Variants in SLC35F1 observed in about 807,000 individuals in gnomAD.
SLC35F1 encodes the protein solute carrier family 35 member F1.
SLC35F1 carries 14 observed loss-of-function variants against 48.7 expected under a neutral mutation model. The observed-to-expected ratio is 0.29, with a 90% CI of 0.19 to 0.45. The LOEUF (loss-of-function observed/expected upper bound fraction) is 0.45, where lower values mean the gene tolerates loss of function less well. Among genes scored for constraint, SLC35F1 ranks in the 20% least tolerant of loss-of-function variants. The pLI is 1.00. For synonymous variants in SLC35F1, 190 were observed against 202.2 expected (o/e 0.94, Z 0.51); for missense variants, 404 against 500.0 (o/e 0.81, Z 1.83).
chr6:118,088,528 A>G (rs1326661211), intron 1 of SLC35F1, among the ~76,000 whole-genome samples: 1 of 152,186 alleles, frequency 6.6e-6, no homozygotes, highest in Non-Finnish European at 1.5e-5. Context: ...TACCTCATCC[A>G]CAGAGTGGAT....
intron 1 of SLC35F1, among the ~76,000 whole-genome samples, chr6:118,023,935 A>G (rs1023879163): frequency 2.6e-5 from 4 of 152,194 alleles, no homozygotes; most frequent in Non-Finnish European, 4.4e-5. Context: ...GCTGGGCCCC[A>G]GTGAGTCATA....
At chr6:117,927,093 A>C (rs1776037995) in intron 1 of SLC35F1, among the ~76,000 whole-genome samples, 1 of 152,202 alleles carries the variant, frequency 6.6e-6, no homozygotes, top group Admixed American at 6.5e-5. Flanking sequence ...TCATCTGTGA[A>C]ATTCAGTAAG....
chr6:118,127,196 G>A (rs1264430024), intron 1 of SLC35F1, among the ~76,000 whole-genome samples: 1 of 151,750 alleles, frequency 6.6e-6, no homozygotes, highest in Non-Finnish European at 1.5e-5. Context: ...ATGAAGGGTT[G>A]TTGAATTTTG....
intron 1 of SLC35F1, among the ~76,000 whole-genome samples, chr6:117,954,769 A>G (rs1261580504): frequency 1.3e-5 from 2 of 152,180 alleles, no homozygotes; most frequent in South Asian, 2.1e-4. Flanking sequence ...TTGCGTTCAG[A>G]TGGTCTGATG....
At chr6:118,060,884 G>A (rs188326881) in intron 1 of SLC35F1, among the ~76,000 whole-genome samples, 1 of 152,320 alleles carries the variant, frequency 6.6e-6, no homozygotes, top group East Asian at 1.9e-4. Flanking sequence ...GCCCAATTGA[G>A]AGTAGATCCA....
chr6:118,147,105 A>C (rs140980480), intron 1 of SLC35F1, among the ~76,000 whole-genome samples: 24 of 152,296 alleles, frequency 1.6e-4, no homozygotes, highest in African/African-American at 5.5e-4. Flanking sequence ...GGTGCAGGGT[A>C]CACACTGAGA....
intron 1 of SLC35F1, among the ~76,000 whole-genome samples, chr6:117,952,969 T>A (rs531847082): frequency 6.6e-6 from 1 of 152,282 alleles, no homozygotes; most frequent in Non-Finnish European, 1.5e-5. Context: ...CAGATACAGT[T>A]GTAACTGCTC....
chr6:118,249,135 C>G (rs549355782), intron 3 of SLC35F1, among the ~76,000 whole-genome samples: 1 of 152,324 alleles, frequency 6.6e-6, no homozygotes, highest in Admixed American at 6.5e-5. Context: ...TTATAAGCCA[C>G]CAGTCTATGG....
chr6:118,123,403 C>G (rs1353784120), intron 1 of SLC35F1, among the ~76,000 whole-genome samples: 1 of 143,826 alleles, frequency 7.0e-6, no homozygotes, highest in African/African-American at 2.6e-5. Context: ...AAAGGCCACT[C>G]TTAGAAATTC....
At chr6:118,188,130 C>T (rs1368760830) in intron 2 of SLC35F1, among the ~76,000 whole-genome samples, 1 of 152,216 alleles carries the variant, frequency 6.6e-6, no homozygotes, top group Non-Finnish European at 1.5e-5. Context: ...GACCTCCTGA[C>T]AAAATGATTC....
intron 1 of SLC35F1, among the ~76,000 whole-genome samples, chr6:118,098,119 A>C (rs1200131294): frequency 6.6e-6 from 1 of 152,186 alleles, no homozygotes. Context: ...ACAATGAACA[A>C]ATCAGTTAAC....
chr6:118,015,356 T>C (rs1306308954), intron 1 of SLC35F1, among the ~76,000 whole-genome samples: 1 of 152,026 alleles, frequency 6.6e-6, no homozygotes, highest in African/African-American at 2.4e-5. Flanking sequence ...TAAACTTGTG[T>C]CATGAGGGTT....
At position 118,260,902 on chromosome 6, in the gene SLC35F1, AT is replaced by A. The variant is rs1244663813; in HGVS notation, c.478-6090del. ...TATCTACGCCTTTGTCTGTGAATGT[AT>A]TTAATTGACTTGTGTCTGTCTCTCT... On this transcript the variant is annotated intron_variant, in intron 3 of 7. Transcript: ENST00000360388. Among the ~76,000 whole-genome samples, 3 of 152,290 alleles carry A rather than the reference AT, an allele frequency of 2.0e-5. No individual in the cohort carries two copies. In the East Asian group the frequency reaches 5.8e-4, roughly 29 times the overall value.
chr6:118,194,793 G>C (rs2114527169), intron 2 of SLC35F1, among the ~76,000 whole-genome samples: 1 of 152,252 alleles, frequency 6.6e-6, no homozygotes, highest in East Asian at 1.9e-4. Context: ...CCTTTTGCTG[G>C]CATGTCAGCT....
chr6:118,230,876 A>G (rs926469932), intron 2 of SLC35F1, among the ~76,000 whole-genome samples: 2 of 152,010 alleles, frequency 1.3e-5, no homozygotes, highest in Non-Finnish European at 2.9e-5. Flanking sequence ...CAGGAGGATC[A>G]CTTGAGCCCA....
At chr6:117,923,504 T>TACAC (rs1424270422) in intron 1 of SLC35F1, among the ~76,000 whole-genome samples, 5 of 1,510 alleles carry the variant, frequency 3.3e-3, no homozygotes, top group Non-Finnish European at 7.9e-3. Flanking sequence ...AAAATATATA[T>TACAC]ATACACATAC....
chr6:118,222,095 C>T (rs952048636), intron 2 of SLC35F1, among the ~76,000 whole-genome samples: 3 of 152,178 alleles, frequency 2.0e-5, no homozygotes, highest in African/African-American at 7.2e-5. Context: ...AAGAAATAAT[C>T]ATTTGGCCTA....
At chr6:118,106,840 T>G (rs2114375136) in intron 1 of SLC35F1, among the ~76,000 whole-genome samples, 1 of 152,316 alleles carries the variant, frequency 6.6e-6, no homozygotes, top group African/African-American at 2.4e-5. Context: ...CACACCACGT[T>G]GTGTGTTCCT....
At chr6:118,122,809 G>A (rs536306290) in intron 1 of SLC35F1, among the ~76,000 whole-genome samples, 3 of 152,306 alleles carry the variant, frequency 2.0e-5, no homozygotes, top group African/African-American at 4.8e-5. Context: ...AAATAATTAA[G>A]AGCTGGCTTT....
Sources: allele counts gnomAD v4.1 joint callset (sites outside exome capture counted in the v4.1 genomes callset), GRCh38; gene constraint gnomAD v4.1.1; transcripts MANE v1.5; gene names NCBI Gene and HGNC (gene_info 2026-07-23, HGNC 2026-07-21).